Variants in SRP72 observed in about 807,000 individuals in gnomAD.
The protein encoded by SRP72 is signal recognition particle subunit SRP72.
SRP72 carries 49 observed loss-of-function variants against 96.3 expected under a neutral mutation model. The ratio of observed to expected loss-of-function variants is 0.51; its 90% CI spans 0.40 to 0.65. SRP72 has a LOEUF of 0.65. Among genes scored for constraint, SRP72 ranks in the 30% least tolerant of loss-of-function variants. SRP72 has a pLI of 0.00. For missense variants in SRP72, 736 were observed against 793.3 expected (o/e 0.93, Z 0.87); for synonymous variants, 267 against 275.2 (o/e 0.97, Z 0.30).
chr4:56,491,214 A>G (rs555082494), intron 15 of SRP72, among the ~76,000 whole-genome samples: 1 of 152,340 alleles, frequency 6.6e-6, no homozygotes, highest in Non-Finnish European at 1.5e-5. Context: ...GAATTAGATT[A>G]TGACTCCTCA....
In SRP72 at chr4:56,484,867, A is replaced by G. The variant is rs1720646087; in HGVS notation, c.1086+3A>G. On this transcript the variant is annotated splice_donor_region_variant and intron_variant, in intron 10 of 18. Coordinates refer to ENST00000642900, the MANE Select transcript of SRP72 (RefSeq NM_006947.4). ...CAAAAGCAATAGAGCTGCTTCAGGT[A>G]AAATAATTACTTGAATGAGGTGTCA... 1 of 1,607,392 alleles carries G rather than the reference A, an allele frequency of 6.2e-7. No homozygotes were observed. The highest frequency in any genetic ancestry group is 8.5e-7 in the Non-Finnish European group (1 of 1,178,646).
Position 56,490,592 on chromosome 4 carries a change from C to A in SRP72, c.1449C>A (p.Thr483=). 1 of 1,613,818 alleles carries A rather than the reference C, an allele frequency of 6.2e-7. No individual in the cohort carries two copies. The highest frequency in any genetic ancestry group is 1.7e-4 in the Middle Eastern group (1 of 6,058). ...LWKQNPKDIH[T]LAQLISAYSL... ...GACAAAATCCAAAAGATATTCACAC[C>A]CTGGCACAGCTTATTTCTGCTTACT... Residue 483 remains threonine, a synonymous_variant, in exon 15 of 19, where the codon ACC becomes ACA. Coordinates refer to ENST00000642900, the MANE Select transcript of SRP72 (RefSeq NM_006947.4).
chr4:56,493,333 GCTT>G (rs1720973395), intron 16 of SRP72, among the ~76,000 whole-genome samples: 1 of 152,040 alleles, frequency 6.6e-6, no homozygotes, highest in Admixed American at 6.6e-5. Flanking sequence ...ACCAAGCCTG[GCTT>G]CTTTCTCTTT....
intron 9 of SRP72, 38 bp downstream of exon 9, chr4:56,483,308 G>C (rs1458014695): frequency 6.3e-7 from 1 of 1,593,898 alleles, no homozygotes; most frequent in East Asian, 2.2e-5. Context: ...TAAACCTTTT[G>C]TAATATGGTA....
intron 12 of SRP72, among the ~76,000 whole-genome samples, chr4:56,488,812 T>G (rs1295292466): frequency 6.6e-6 from 1 of 152,200 alleles, no homozygotes; most frequent in Non-Finnish European, 1.5e-5. Flanking sequence ...TCTTTTTCCC[T>G]CTGATTAGCC....
chr4:56,485,954 T>G (rs1720695136), intron 10 of SRP72, among the ~76,000 whole-genome samples: 1 of 152,232 alleles, frequency 6.6e-6, no homozygotes, highest in African/African-American at 2.4e-5. Flanking sequence ...TAGCAATGAT[T>G]TAAAATGTAT....
intron 17 of SRP72, among the ~76,000 whole-genome samples, chr4:56,497,496 G>T (rs1461253354): frequency 6.6e-6 from 1 of 152,086 alleles, no homozygotes; most frequent in East Asian, 1.9e-4. Context: ...TGGGATTACA[G>T]GCGTGAGCCA....
chr4:56,480,609 T>C (rs1720444745), intron 8 of SRP72, among the ~76,000 whole-genome samples: 2 of 152,174 alleles, frequency 1.3e-5, no homozygotes, highest in South Asian at 4.1e-4. Flanking sequence ...GAAGAGAGCA[T>C]GTGAGATACT....
intron 16 of SRP72, 156 bp downstream of exon 16, chr4:56,491,724 C>A: frequency 1.5e-6 from 1 of 666,904 alleles, no homozygotes; most frequent in Non-Finnish European, 2.3e-6. Context: ...TCCTTATTTC[C>A]TTCCCTTTTC....
At chr4:56,492,031 G>T (rs1031027059) in intron 16 of SRP72, among the ~76,000 whole-genome samples, 2 of 152,102 alleles carry the variant, frequency 1.3e-5, no homozygotes, top group Non-Finnish European at 2.9e-5. Flanking sequence ...TAGAGACAGG[G>T]TTTCACCCTT....
chr4:56,500,494 ATAT>A (rs763997104), intron 17 of SRP72, 39 bp from the exon 18 acceptor site: 10 of 1,582,966 alleles, frequency 6.3e-6, no homozygotes, highest in Admixed American at 1.8e-5. Flanking sequence ...TATCTTGAAA[ATAT>A]TATGACACAT....
rs756129071 is a variant in SRP72, at chr4:56,471,789, A to C, written c.300A>C (p.Thr100=). The C allele has an allele frequency of 3.7e-6, 6 of 1,614,150 alleles. No individual in the cohort carries two copies. Among genetic ancestry groups the C allele is most frequent in the Non-Finnish European group, 4.2e-6 (5 of 1,180,022 alleles). The change falls in exon 3 of 19, where the codon ACA becomes ACC. Residue 100 remains threonine (T), a synonymous_variant. Coordinates refer to ENST00000642900, the MANE Select transcript of SRP72 (RefSeq NM_006947.4). ...ACAGAATTGAGAATGCCTTGAAGAC[A>C]ATAGAAAGTGCCAACCAGCAGACAG... ...RLNRIENALK[T]IESANQQTDK... is the part of the protein sequence containing the mutation.
At chr4:56,480,253 G>C (rs938420109) in intron 8 of SRP72, among the ~76,000 whole-genome samples, 2 of 152,074 alleles carry the variant, frequency 1.3e-5, no homozygotes, top group Non-Finnish European at 2.9e-5. Context: ...ATTTTGAAAT[G>C]CTTGTCAGGA....
In SRP72 at chr4:56,500,620, G is replaced by T. The variant is rs761389556; in HGVS notation, c.1763G>T (p.Gly588Val). 6.2e-7 allele frequency: 1 copy of T among 1,614,022 alleles called. No homozygotes were observed. Among genetic ancestry groups the T allele is most frequent in the Non-Finnish European group, 8.5e-7 (1 of 1,179,968 alleles). Residue 588 changes from glycine to valine, a missense_variant, in exon 18 of 19, where the codon GGA becomes GTA. Physicochemically the swap from Gly to Val is moderately radical, Grantham distance 109. Coordinates refer to ENST00000642900, the MANE Select transcript of SRP72 (RefSeq NM_006947.4). ...LPMRERSYYRGRKKGKKKDQI... is the reference protein window; with the variant it reads ...LPMRERSYYRVRKKGKKKDQI... ...ATGCGAGAACGTTCTTACTACCGGG[G>T]AAGAAAGAAGGGTAAAAAGAAGGAT...
intron 8 of SRP72, among the ~76,000 whole-genome samples, chr4:56,480,383 C>T (rs1720436232): frequency 6.6e-6 from 1 of 152,158 alleles, no homozygotes; most frequent in African/African-American, 2.4e-5. Context: ...CCTCAGCCAC[C>T]CGAGTAGCTG....
chr4:56,484,790 C>T lies in SRP72; in HGVS notation c.1012C>T (p.Leu338Phe), dbSNP rs200275046. Reference sequence around the variant, plus strand: ...TTTACAGTCCCAAAGTCCCGAGCATCTCTTACCTGTGTTAATCCAAGCTGC... The same window carrying T: ...TTTACAGTCCCAAAGTCCCGAGCATTTCTTACCTGTGTTAATCCAAGCTGC... The part of the protein sequence containing the change: ...ASLQSQSPEH[L>F]LPVLIQAAQL... Residue 338 changes from leucine (L) to phenylalanine (F), a missense_variant, in exon 10 of 19, where the codon CTC becomes TTC. Physicochemically the swap from Leu to Phe is conservative, Grantham distance 22. This residue lies in a region of SRP72 where 388 missense variants were observed against 431.8 expected (regional missense o/e 0.90). Transcript: ENST00000642900. The T allele has an allele frequency of 1.9e-6, 3 of 1,614,184 alleles. No individual in the cohort carries two copies. The highest frequency in any genetic ancestry group is 2.5e-6 in the Non-Finnish European group (3 of 1,180,030).
rs1352745023 is a variant in SRP72 at position 56,487,961 on chromosome 4, A to G, written c.1172A>G (p.Lys391Arg). 3.1e-6 allele frequency: 5 copies of G among 1,600,166 alleles called. No homozygotes were observed. Among genetic ancestry groups the G allele is most frequent in the Non-Finnish European group, 4.3e-6 (5 of 1,175,774 alleles). The change falls in exon 12 of 19, where the codon AAA (lysine) becomes AGA (arginine). Residue 391 changes from lysine (K) to arginine (R), a missense_variant. Coordinates refer to ENST00000642900, the MANE Select transcript of SRP72 (RefSeq NM_006947.4). ...TTATTCTCCTAAGGTAATATTTCTA[A>G]AGCATGTCTAATATTGAGAAGCATA... ...QLKISQGNIS[K>R]ACLILRSIEE...
chr4:56,495,289 AG>A lies in SRP72; in HGVS notation c.1641-67del, dbSNP rs878945758. On this transcript the variant is annotated intron_variant, in intron 16 of 18. Coordinates refer to ENST00000642900, the MANE Select transcript of SRP72 (RefSeq NM_006947.4). ...ATAAGTGCCCAACTAACTCTTATAG[AG>A]CACTTACTTAATGCTCTATAAATAT... is the stretch of plus-strand genomic sequence containing the variant. 63 of 1,087,880 alleles carry A rather than the reference AG, an allele frequency of 5.8e-5. 1 individual carries two copies. In the South Asian group the frequency reaches 9.0e-4, roughly 16 times the overall value. The allele number at this position is 1,087,880 out of a possible 1,614,324, so 67.4% of individuals were successfully genotyped here.
intron 2 of SRP72, among the ~76,000 whole-genome samples, chr4:56,470,010 A>C (rs1578173048): frequency 6.8e-6 from 1 of 146,558 alleles, no homozygotes; most frequent in Non-Finnish European, 1.5e-5. Flanking sequence ...TTTCCTTTGA[A>C]CCGCTAAGGA....
Sources: allele counts gnomAD v4.1 joint callset (sites outside exome capture counted in the v4.1 genomes callset), GRCh38; gene constraint gnomAD v4.1.1; regional missense constraint gnomAD v4.1.1; transcripts MANE v1.5; gene names NCBI Gene and HGNC (gene_info 2026-07-23, HGNC 2026-07-21).